The following FSTL5 variants were observed in gnomAD, a reference collection of about 807,000 sequenced individuals.
FSTL5 encodes follistatin-related protein 5.
Under a neutral mutation model 89.1 loss-of-function variants are expected in FSTL5, and 62 were observed. That is an observed-to-expected ratio of 0.70 (90% CI 0.57 to 0.86). The LOEUF is 0.86. Among genes scored for constraint, FSTL5 ranks in the 40% least tolerant of loss-of-function variants. FSTL5 has a pLI of 0.00. For synonymous variants in FSTL5, 383 were observed against 346.2 expected (o/e 1.11, Z -1.18); for missense variants, 1,057 against 1,001.6 (o/e 1.06, Z -0.75).
intron 3 of FSTL5, among the ~76,000 whole-genome samples, chr4:161,937,663 T>C (rs1382908224): frequency 1.3e-5 from 2 of 152,196 alleles, no homozygotes; most frequent in African/African-American, 2.4e-5. Flanking sequence ...GTGCTGATTA[T>C]GGCCCTAATC....
intron 13 of FSTL5, among the ~76,000 whole-genome samples, chr4:161,465,793 T>A (rs1283867222): frequency 6.6e-6 from 1 of 152,238 alleles, no homozygotes; most frequent in Non-Finnish European, 1.5e-5. Context: ...ATTTCTCTCC[T>A]ACATAATAAT....
At chr4:162,141,723 C>T (rs1732754371) in intron 1 of FSTL5, among the ~76,000 whole-genome samples, 1 of 151,984 alleles carries the variant, frequency 6.6e-6, no homozygotes, top group Non-Finnish European at 1.5e-5. Flanking sequence ...GATTGTGATA[C>T]TTATGTTTGA....
intron 4 of FSTL5, among the ~76,000 whole-genome samples, chr4:161,866,465 A>AGTGTGTGTGTGTGTGTGTGT (rs70937692): frequency 1.5e-5 from 2 of 131,866 alleles, no homozygotes; most frequent in Non-Finnish European, 3.2e-5. Context: ...TCTAAGCTGT[A>AGTGTGTGTGTGTGTGTGTGT]GTGTGTGTGT....
intron 6 of FSTL5, among the ~76,000 whole-genome samples, chr4:161,729,616 T>C (rs1300288165): frequency 2.0e-5 from 3 of 152,198 alleles, no homozygotes; most frequent in South Asian, 2.1e-4. Context: ...AAAGTAGATA[T>C]TTTAAGCAAA....
rs1736020516 is a variant in FSTL5 at position 161,988,220 on chromosome 4, T to C, written c.160+45405A>G. Among the ~76,000 whole-genome samples the C allele has an allele frequency of 1.3e-5, 2 of 152,206 alleles. 1 individual carries two copies. Among genetic ancestry groups the C allele is most frequent in the South Asian group, 4.2e-4 (2 of 4,816 alleles). On this transcript the variant is annotated intron_variant, in intron 3 of 15. Coordinates refer to ENST00000306100, the MANE Select transcript of FSTL5 (RefSeq NM_020116.5). ...GTCCCATCGTATTCAGCAAGATTTA[T>C]TTGTTTTCATAGCCTGGAAATCACA...
chr4:161,545,138 A>G (rs1432537580), intron 8 of FSTL5, among the ~76,000 whole-genome samples: 1 of 152,120 alleles, frequency 6.6e-6, no homozygotes, highest in Middle Eastern at 3.4e-3. Flanking sequence ...AGTTTACAGA[A>G]AGCATTTTCA....
intron 1 of FSTL5, among the ~76,000 whole-genome samples, chr4:162,151,262 A>T (rs1733213174): frequency 6.6e-6 from 1 of 152,204 alleles, no homozygotes; most frequent in African/African-American, 2.4e-5. Flanking sequence ...TTTAAAAATC[A>T]TGTAGCAACT....
At chr4:161,528,151 G>C (rs1212290590) in intron 10 of FSTL5, among the ~76,000 whole-genome samples, 3 of 37,752 alleles carry the variant, frequency 7.9e-5, no homozygotes, top group African/African-American at 1.8e-4. Flanking sequence ...GTTGTGGGGT[G>C]GGGGGAGGGG....
chr4:162,037,393 G>A (rs1737782310), intron 2 of FSTL5, among the ~76,000 whole-genome samples: 1 of 151,856 alleles, frequency 6.6e-6, no homozygotes, highest in Non-Finnish European at 1.5e-5. Flanking sequence ...TGTTTTGTCT[G>A]AAATTTGAGA....
Position 161,423,090 on chromosome 4 carries a change from C to T in FSTL5, c.1841+31914G>A, listed in dbSNP as rs113701230. ...TTTCACTACACTATGTCAAGTACTT[C>T]CTTTATGTTTAAAAACTGATGAGGC... On this transcript the variant is annotated intron_variant, in intron 15 of 15. Transcript: ENST00000306100. Among the ~76,000 whole-genome samples the T allele has an allele frequency of 5.8e-4, 88 of 152,226 alleles. 1 individual carries two copies. The highest frequency in any genetic ancestry group is 3.4e-3 in the Middle Eastern group (1 of 294).
At chr4:162,160,105 T>TATATGTGTAAATATATGTGTATATAC (rs1163388770) in intron 1 of FSTL5, among the ~76,000 whole-genome samples, 1 of 151,952 alleles carries the variant, frequency 6.6e-6, no homozygotes, top group East Asian at 1.9e-4. Context: ...TGTATATACA[T>TATATGTGTAAATATATGTGTATATAC]ATATGTGTAA....
intron 14 of FSTL5, 111 bp downstream of exon 14, chr4:161,459,101 G>T: frequency 1.4e-6 from 1 of 735,104 alleles, no homozygotes; most frequent in Non-Finnish European, 2.3e-6. Flanking sequence ...TATGATTAAA[G>T]CTGTAGTCCT....
intron 8 of FSTL5, among the ~76,000 whole-genome samples, chr4:161,558,972 G>C (rs966840397): frequency 6.6e-6 from 1 of 151,792 alleles, no homozygotes; most frequent in African/African-American, 2.4e-5. Flanking sequence ...CAAAACCTGT[G>C]AACTGCTCTT....
intron 4 of FSTL5, among the ~76,000 whole-genome samples, chr4:161,818,691 T>C (rs1166131699): frequency 6.6e-6 from 1 of 152,190 alleles, no homozygotes; most frequent in East Asian, 1.9e-4. Flanking sequence ...ATACTTTTGA[T>C]TACTATTCAA....
rs1289522224 is a variant in FSTL5 at position 161,619,519 on chromosome 4, A to C, written c.895-31944T>G. Among the ~76,000 whole-genome samples the C allele has an allele frequency of 2.6e-5, 4 of 152,334 alleles. No individual in the cohort carries two copies. In the East Asian group the frequency reaches 7.7e-4, roughly 29 times the overall value. ...GAAAAAAACAAACAACCCCTTCAAA[A>C]AGTGGGCGAAGGACATGAACAGACA... is the stretch of plus-strand genomic sequence containing the variant. On this transcript the variant is annotated intron_variant, in intron 7 of 15. Coordinates refer to ENST00000306100, the MANE Select transcript of FSTL5 (RefSeq NM_020116.5).
At chr4:161,641,169 A>G (rs1735945669) in intron 7 of FSTL5, among the ~76,000 whole-genome samples, 1 of 152,170 alleles carries the variant, frequency 6.6e-6, no homozygotes, top group Admixed American at 6.5e-5. Context: ...GCAGGGTGAA[A>G]AAAGGTTACT....
At chr4:161,980,408 G>C (rs1196019183) in intron 3 of FSTL5, among the ~76,000 whole-genome samples, 6 of 152,084 alleles carry the variant, frequency 3.9e-5, no homozygotes, top group Non-Finnish European at 2.9e-5. Context: ...AAGAACAAAT[G>C]ACAAGTTCTG....
intron 2 of FSTL5, among the ~76,000 whole-genome samples, chr4:162,082,823 TTTTTTTTTGGAGACAAG>T (rs1207507273): frequency 1.3e-5 from 2 of 150,570 alleles, no homozygotes; most frequent in East Asian, 3.9e-4. Flanking sequence ...CTTTTCTCTT[TTTTTTTTTGGAGACAAG>T]GTATAAAATA....
chr4:161,810,524 C>G lies in FSTL5; in HGVS notation c.410-34450G>C, dbSNP rs76580111. ...ACGACCACCTTGTGAGGGAAAGTTC[C>G]TGACAAGAGACATTAATTTGGCAAT... On this transcript the variant is annotated intron_variant, in intron 4 of 15. Transcript: ENST00000306100. Among the ~76,000 whole-genome samples the G allele has an allele frequency of 4.8e-3, 730 of 152,164 alleles. 4 individuals are homozygous for G. Among genetic ancestry groups the G allele is most frequent in the African/African-American group, 0.017 (695 of 41,540 alleles).
Sources: gnomAD v4.1 joint callset for allele counts (sites outside exome capture counted in the v4.1 genomes callset) on GRCh38, gnomAD v4.1.1 for gene constraint, MANE v1.5 for transcripts, NCBI Gene and HGNC (gene_info 2026-07-23, HGNC 2026-07-21) for gene names.